Variants in ERG observed in about 807,000 individuals in gnomAD.
ERG encodes ETS transcription factor ERG.
ERG carries 9 observed loss-of-function variants against 55.3 expected under a neutral mutation model. The observed-to-expected ratio is 0.16, with a 90% CI of 0.10 to 0.28. The LOEUF (loss-of-function observed/expected upper bound fraction) is 0.28. Among genes scored for constraint, ERG ranks in the 10% least tolerant of loss-of-function variants. The probability of loss-of-function intolerance (pLI) is 1.00; values close to 1 mark genes in which losing one functional copy is unlikely to be tolerated. For synonymous variants in ERG, 223 were observed against 237.3 expected, an observed-to-expected ratio of 0.94 and a Z score of 0.55; for missense variants, 434 against 631.6, an observed-to-expected ratio of 0.69 and a Z score of 3.35.
At position 38,380,717 on chromosome 21, in the gene ERG, C is replaced by G; in HGVS notation, c.*2686G>C. On this transcript the variant is annotated 3_prime_UTR_variant, in exon 10 of 10. Coordinates refer to ENST00000288319, the MANE Select transcript of ERG (RefSeq NM_182918.4). ...GTATTATCATGTTATCCAAAATTAT[C>G]CCAGTTGCTCATAAGACTTGCTAAT... 1.9e-6 allele frequency: 2 copies of G among 1,064,950 alleles called. No homozygotes were observed. Among genetic ancestry groups the G allele is most frequent in the Non-Finnish European group, 2.3e-6 (2 of 879,108 alleles). 66.0% of individuals were successfully genotyped at this position (1,064,950 alleles called of 1,614,324 possible). A position where few individuals can be genotyped will look rare whatever the true frequency, so the allele number is the denominator to read the frequency against.
At chr21:38,503,331 C>T (rs899751698), upstream of ERG, among the ~76,000 whole-genome samples, 1 of 151,252 alleles carries the variant, frequency 6.6e-6, no homozygotes, top group African/African-American at 2.4e-5. Context: ...GCCCAAATGC[C>T]TGTTCTTTTT....
chr21:38,509,016 C>T (rs1369404750), intron 2 of ERG, among the ~76,000 whole-genome samples: 2 of 152,162 alleles, frequency 1.3e-5, no homozygotes, highest in African/African-American at 4.8e-5. Context: ...AGCATTAACC[C>T]CCAGAGGTAT....
chr21:38,416,400 G>A (rs1356984383), intron 3 of ERG, among the ~76,000 whole-genome samples: 1 of 152,146 alleles, frequency 6.6e-6, no homozygotes, highest in Non-Finnish European at 1.5e-5. Flanking sequence ...TTTTTGAAAG[G>A]AAAAATTATT....
At chr21:38,453,961 A>C (rs928562628) in intron 1 of ERG, among the ~76,000 whole-genome samples, 5 of 151,594 alleles carry the variant, frequency 3.3e-5, no homozygotes, top group African/African-American at 1.2e-4. Flanking sequence ...ATGAGCAAAA[A>C]GTATAAAAAC....
chr21:38,556,504 A>C (rs1240772658), intron 2 of ERG, among the ~76,000 whole-genome samples: 1 of 152,122 alleles, frequency 6.6e-6, no homozygotes, highest in African/African-American at 2.4e-5. Flanking sequence ...CCTTTTGTGG[A>C]TACAAAAGGG....
the ERG span, among the ~76,000 whole-genome samples, chr21:38,371,920 G>A: frequency 6.6e-6 from 1 of 151,884 alleles, no homozygotes; most frequent in African/African-American, 2.4e-5. Context: ...CATATTTTGG[G>A]AAATTTTGGA....
chr21:38,557,398 C>T (rs1035655889), intron 2 of ERG, among the ~76,000 whole-genome samples: 2 of 152,060 alleles, frequency 1.3e-5, no homozygotes, highest in Non-Finnish European at 2.9e-5. Context: ...TGAGAAGCTA[C>T]ACAGTTGGCC....
intron 3 of ERG, 77 bp downstream of exon 3, chr21:38,423,333 G>A: frequency 1.4e-6 from 2 of 1,474,202 alleles, no homozygotes; most frequent in South Asian, 1.3e-5. Context: ...AGGTGGGGGA[G>A]AAGAGCTCCC....
intron 1 of ERG, among the ~76,000 whole-genome samples, chr21:38,651,658 C>A (rs2060489465): frequency 6.6e-6 from 1 of 152,166 alleles, no homozygotes; most frequent in African/African-American, 2.4e-5. Context: ...TTTAAAACTA[C>A]CCTTGAAGTT....
At chr21:38,499,979 T>G (rs181319666), upstream of ERG, among the ~76,000 whole-genome samples, 9 of 152,268 alleles carry the variant, frequency 5.9e-5, no homozygotes, top group East Asian at 5.8e-4. Context: ...GAGGGGGTGT[T>G]GATTTCCGCT....
intron 2 of ERG, among the ~76,000 whole-genome samples, chr21:38,546,002 G>A (rs563156166): frequency 1.4e-4 from 21 of 152,258 alleles, no homozygotes; most frequent in African/African-American, 4.8e-4. Flanking sequence ...AATGGTGTCT[G>A]CACCTTTTAG....
At chr21:38,394,225 A>G (rs1198571148) in intron 6 of ERG, among the ~76,000 whole-genome samples, 4 of 152,166 alleles carry the variant, frequency 2.6e-5, no homozygotes, top group Non-Finnish European at 5.9e-5. Flanking sequence ...AAATACAGAA[A>G]TATGTTCTAG....
chr21:38,378,489 T>C (rs779426678), downstream of ERG, among the ~76,000 whole-genome samples: 2 of 152,248 alleles, frequency 1.3e-5, no homozygotes, highest in African/African-American at 2.4e-5. Flanking sequence ...TTCATGCATA[T>C]AGCTGCAAAC....
chr21:38,388,156 T>C lies in ERG; in HGVS notation c.919+2839A>G, dbSNP rs146962116. On this transcript the variant is annotated intron_variant, in intron 9 of 9. Coordinates refer to ENST00000288319, the MANE Select transcript of ERG (RefSeq NM_182918.4). ...TATTTTCATGTGCACCATTGAAGAG[T>C]ATCCAGTTAGCATCAAGGAAGCCTC... Among the ~76,000 whole-genome samples the C allele has an allele frequency of 2.2e-3, 338 of 152,288 alleles. 2 individuals are homozygous for C. Among genetic ancestry groups the C allele is most frequent in the African/African-American group, 7.0e-3 (291 of 41,554 alleles).
chr21:38,404,452 G>A (rs1292505233), intron 3 of ERG, among the ~76,000 whole-genome samples: 1 of 152,192 alleles, frequency 6.6e-6, no homozygotes, highest in African/African-American at 2.4e-5. Context: ...GCTACCTATG[G>A]GACAGGGAGA....
intron 2 of ERG, among the ~76,000 whole-genome samples, chr21:38,437,263 C>T (rs1348959595): frequency 2.0e-5 from 3 of 151,712 alleles, no homozygotes; most frequent in Non-Finnish European, 4.4e-5. Context: ...ACTAAATACA[C>T]GTTGGTTTCC....
chr21:38,586,911 C>T (rs2060069048), upstream of ERG, among the ~76,000 whole-genome samples: 2 of 152,138 alleles, frequency 1.3e-5, no homozygotes, highest in African/African-American at 4.8e-5. Flanking sequence ...AACATAAACG[C>T]CCATAAAGAA....
intron 1 of ERG, among the ~76,000 whole-genome samples, chr21:38,656,861 C>T (rs1332962189): frequency 2.0e-5 from 3 of 152,102 alleles, no homozygotes; most frequent in Non-Finnish European, 2.9e-5. Context: ...TGCCTGTTTT[C>T]TTTCCTATTT....
At chr21:38,442,433 C>T (rs1421460496) in intron 2 of ERG, among the ~76,000 whole-genome samples, 1 of 152,100 alleles carries the variant, frequency 6.6e-6, no homozygotes, top group Non-Finnish European at 1.5e-5. Flanking sequence ...GTCCAGTTCC[C>T]CTGAAAAAGA....
Sources: gnomAD v4.1 joint callset for allele counts (sites outside exome capture counted in the v4.1 genomes callset) on GRCh38, gnomAD v4.1.1 for gene constraint, MANE v1.5 for transcripts, NCBI Gene and HGNC (gene_info 2026-07-23, HGNC 2026-07-21) for gene names.